The following AHR variants were observed in gnomAD, a reference collection of about 807,000 sequenced individuals.
The protein encoded by AHR is aryl hydrocarbon receptor.
Under a neutral mutation model 86.8 loss-of-function variants are expected in AHR, and 40 were observed. The observed-to-expected ratio is 0.46, with a 90% CI of 0.36 to 0.60. AHR has a LOEUF of 0.60. AHR is among the 20% of genes least tolerant of loss of function. The pLI is 0.00. For missense variants in AHR, 1,001 were observed against 1,011.6 expected, an observed-to-expected ratio of 0.99 and a Z score of 0.14; for synonymous variants, 398 against 354.9, an observed-to-expected ratio of 1.12 and a Z score of -1.37.
Position 17,302,693 on chromosome 7 carries a change from T to TA in AHR, c.65+3370dup, listed in dbSNP as rs200763591. ...TAAATTGAAAGCACTGGATCTAAAC[T>TA]AAAAAATGAGGTCTAGTTTCTTCAC... is the stretch of plus-strand genomic sequence containing the variant. On this transcript the variant is annotated intron_variant, in intron 1 of 10. Transcript: ENST00000242057. 5.3e-3 allele frequency among the ~76,000 whole-genome samples: 801 copies of TA among 151,714 alleles called. 43 individuals carry two copies. In the South Asian group the frequency reaches 0.11, roughly 21 times the overall value.
At chr7:17,342,892 A>G (rs1178577220) in intron 10 of AHR, 29 bp from the exon 11 acceptor site, 13 of 1,604,732 alleles carry the variant, frequency 8.1e-6, no homozygotes, top group South Asian at 1.1e-5. Flanking sequence ...ATCTATTCCA[A>G]TAAGTTGCAT....
Position 17,324,634 on chromosome 7 carries a change from C to G in AHR, c.360+2027C>G, listed in dbSNP as rs142208457. Among the ~76,000 whole-genome samples, 97 of 152,194 alleles carry G rather than the reference C, an allele frequency of 6.4e-4. 3 individuals are homozygous for G. The East Asian group carries it at 0.016, about 26-fold the overall frequency. On this transcript the variant is annotated intron_variant, in intron 3 of 10. Transcript: ENST00000242057. Reference sequence around the variant, plus strand: ...TGGCCAACATAGGGAAACCCCATCTCTACTAAAAATACAAAAAATTAGCTG... The same window carrying G: ...TGGCCAACATAGGGAAACCCCATCTGTACTAAAAATACAAAAAATTAGCTG...
intron 9 of AHR, 50 bp from the exon 10 acceptor site, chr7:17,338,936 A>C (rs780390447): frequency 6.8e-7 from 1 of 1,461,848 alleles, no homozygotes; most frequent in Non-Finnish European, 9.2e-7. Flanking sequence ...TTTTTATTTT[A>C]AAATGTTTGA....
chr7:17,331,004 C>A, intron 6 of AHR, 118 bp downstream of exon 6: 1 of 1,126,850 alleles, frequency 8.9e-7, no homozygotes, highest in African/African-American at 1.6e-5. Context: ...AGGCAACCCT[C>A]AGAACCAGAG....
At chr7:17,301,986 T>A (rs1180912428) in intron 1 of AHR, among the ~76,000 whole-genome samples, 1 of 151,992 alleles carries the variant, frequency 6.6e-6, no homozygotes, top group Non-Finnish European at 1.5e-5. Context: ...CTGTGTTTAT[T>A]TTATTCTCTT....
Position 17,329,934 on chromosome 7 carries a change from T to C in AHR, c.451-18T>C, listed in dbSNP as rs150495643. 7 of 1,594,004 alleles carry C rather than the reference T, an allele frequency of 4.4e-6. No individual in the cohort carries two copies. The Admixed American group carries it at 1.1e-4, about 24-fold the overall frequency. On this transcript the variant is annotated intron_variant, in intron 4 of 10. Coordinates refer to ENST00000242057, the MANE Select transcript of AHR (RefSeq NM_001621.5). ...TAATCAGTCCTTTTGTTGTATTCCTTGTATCTTTTTTCTTTAGTCTGATGT... is the reference window on the plus strand; with the variant it reads ...TAATCAGTCCTTTTGTTGTATTCCTCGTATCTTTTTTCTTTAGTCTGATGT...
At chr7:17,304,687 A>G (rs1176310547) in intron 1 of AHR, among the ~76,000 whole-genome samples, 1 of 152,118 alleles carries the variant, frequency 6.6e-6, no homozygotes, top group Non-Finnish European at 1.5e-5. Flanking sequence ...TGATTTTGCC[A>G]TGTTATAAAA....
chr7:17,329,773 T>A (rs1782266297), intron 4 of AHR, 179 bp from the exon 5 acceptor site: 2 of 468,990 alleles, frequency 4.3e-6, no homozygotes, highest in South Asian at 6.3e-5. Context: ...GTAGTGCCAG[T>A]CTCTTTAGCT....
At chr7:17,333,621 A>C (rs1176101002) in intron 6 of AHR, among the ~76,000 whole-genome samples, 2 of 151,928 alleles carry the variant, frequency 1.3e-5, no homozygotes, top group Non-Finnish European at 2.9e-5. Context: ...TGAGGTGAAA[A>C]TGATAGGGTA....
intron 2 of AHR, among the ~76,000 whole-genome samples, chr7:17,314,769 T>C (rs143212998): frequency 0.019 from 2,876 of 152,186 alleles, 52 homozygotes; most frequent in Non-Finnish European, 0.032. Flanking sequence ...TGCTTTTTCA[T>C]TCATGAGAAT....
Position 17,330,762 on chromosome 7 carries a change from C to T in AHR, c.581C>T (p.Thr194Ile). The change falls in exon 6 of 11, where the codon ACT (threonine) becomes ATT (isoleucine). Residue 194 changes from threonine to isoleucine, a missense_variant. Thr to Ile is a moderately conservative substitution (Grantham distance 89, BLOSUM62 -1). Transcript: ENST00000242057. ...TESGQGIEEATGLPQTVVCYN... is the reference protein window; with the variant it reads ...TESGQGIEEAIGLPQTVVCYN... ...TTTGCCTTTATTTCTACAGAAGCCA[C>T]TGGTCTCCCCCAGACAGTAGTCTGT... is the stretch of plus-strand genomic sequence containing the variant. 6.4e-7 allele frequency: 1 copy of T among 1,572,272 alleles called. No homozygotes were observed. The highest frequency in any genetic ancestry group is 8.6e-7 in the Non-Finnish European group (1 of 1,158,292).
chr7:17,335,145 C>T (rs997933221), intron 8 of AHR, 149 bp downstream of exon 8: 5 of 536,696 alleles, frequency 9.3e-6, no homozygotes, highest in Non-Finnish European at 1.6e-5. Context: ...ACCAGGGTTA[C>T]ACTCTTTGTT....
In AHR at chr7:17,339,244, A is replaced by C; in HGVS notation, c.1419A>C (p.Ser473=). Reference sequence around the variant, plus strand: ...AGTCTATTTATCTCTATCCTGCTTCAAGTACTTCAAGTACTGCACCTTTTG... The same window carrying C: ...AGTCTATTTATCTCTATCCTGCTTCCAGTACTTCAAGTACTGCACCTTTTG... ...QDESIYLYPA[S]STSSTAPFEN... is the part of the protein sequence containing the mutation. The change falls in exon 10 of 11, where the codon TCA becomes TCC. Residue 473 remains serine (S), a synonymous_variant. Coordinates refer to ENST00000242057, the MANE Select transcript of AHR (RefSeq NM_001621.5). 3.1e-6 allele frequency: 5 copies of C among 1,614,206 alleles called. No individual in the cohort carries two copies. The highest frequency in any genetic ancestry group is 4.2e-6 in the Non-Finnish European group (5 of 1,180,024).
intron 1 of AHR, 26 bp downstream of exon 1, chr7:17,299,355 C>A: frequency 6.2e-7 from 1 of 1,609,558 alleles, no homozygotes; most frequent in Non-Finnish European, 8.5e-7. Flanking sequence ...GCGTCCTCAT[C>A]GCGGGGGCTG....
Position 17,338,971 on chromosome 7 carries a change from TG to T in AHR, c.1161-14del. ...ATAGAATTTTTTTCTAAGACTTTTT[TG>T]TACACAATTTTAGAGATGAGGAAGG... On this transcript the variant is annotated splice_polypyrimidine_tract_variant and intron_variant, in intron 9 of 10. Transcript: ENST00000242057. 1.9e-6 allele frequency: 3 copies of T among 1,540,840 alleles called. No individual in the cohort carries two copies. The highest frequency in any genetic ancestry group is 2.6e-6 in the Non-Finnish European group (3 of 1,144,914).
intron 9 of AHR, among the ~76,000 whole-genome samples, 177 bp from the exon 10 acceptor site, chr7:17,338,809 G>T (rs1407099152): frequency 6.6e-6 from 1 of 151,982 alleles, no homozygotes; most frequent in South Asian, 2.1e-4. Flanking sequence ...AAATATGCTT[G>T]TCTGAAAAAC....
At chr7:17,305,704 T>C (rs1181400424) in intron 1 of AHR, among the ~76,000 whole-genome samples, 1 of 151,198 alleles carries the variant, frequency 6.6e-6, no homozygotes, top group Non-Finnish European at 1.5e-5. Context: ...CTCATAGGAT[T>C]ACTGAAACCA....
In AHR at chr7:17,327,707, G is replaced by C. The variant is rs373966002; in HGVS notation, c.361-52G>C. The C allele has an allele frequency of 8.3e-5, 83 of 996,860 alleles. 1 individual carries two copies. The African/African-American group carries it at 1.1e-3, about 14-fold the overall frequency. The allele number at this position is 996,860 out of a possible 1,614,324, so 61.8% of individuals were successfully genotyped here. A position where few individuals can be genotyped will look rare whatever the true frequency, so the allele number is the denominator to read the frequency against. On this transcript the variant is annotated intron_variant, in intron 3 of 10. Coordinates refer to ENST00000242057, the MANE Select transcript of AHR (RefSeq NM_001621.5). ...GAGATAAAAGTAATAACCTTTATCT[G>C]ATGGTCAATATTAAGTCATATTACT...
chr7:17,330,181 G>A (rs1210446932), intron 5 of AHR, 106 bp downstream of exon 5: 1 of 1,095,726 alleles, frequency 9.1e-7, no homozygotes, highest in Non-Finnish European at 1.3e-6. Flanking sequence ...TAGGGAAGTA[G>A]TGGAAAGATG....
Sources: gnomAD v4.1 joint callset for allele counts (sites outside exome capture counted in the v4.1 genomes callset) on GRCh38, gnomAD v4.1.1 for gene constraint, MANE v1.5 for transcripts, NCBI Gene and HGNC (gene_info 2026-07-23, HGNC 2026-07-21) for gene names.